The following RASGRP3 variants were observed in gnomAD, a reference collection of about 807,000 sequenced individuals.
The protein encoded by RASGRP3 is ras guanyl-releasing protein 3.
Under a neutral mutation model 82.7 loss-of-function variants are expected in RASGRP3, and 54 were observed. The ratio of observed to expected loss-of-function variants is 0.65; its 90% CI spans 0.52 to 0.82. The LOEUF (loss-of-function observed/expected upper bound fraction) is 0.82, where lower values mean the gene tolerates loss of function less well. Among genes scored for constraint, RASGRP3 ranks in the 40% least tolerant of loss-of-function variants. The pLI, the probability that RASGRP3 is intolerant of heterozygous loss-of-function variation, is 0.00. For synonymous variants in RASGRP3, 309 were observed against 300.5 expected, an observed-to-expected ratio of 1.03 and a Z score of -0.29; for missense variants, 861 against 828.9, an observed-to-expected ratio of 1.04 and a Z score of -0.48.
chr2:33,556,563 T>C (rs1487539619), intron 15 of RASGRP3, among the ~76,000 whole-genome samples: 1 of 152,140 alleles, frequency 6.6e-6, no homozygotes, highest in Non-Finnish European at 1.5e-5. Flanking sequence ...AATAATCTTA[T>C]AAAGCTTTTG....
At chr2:33,521,854 C>G (rs900149885) in intron 6 of RASGRP3, 101 bp from the exon 7 acceptor site, 3 of 1,405,262 alleles carry the variant, frequency 2.1e-6, no homozygotes, top group African/African-American at 2.9e-5. Flanking sequence ...TTGCACAAGT[C>G]CCTGGAAGCA....
In RASGRP3 at chr2:33,467,163, G is replaced by C. The variant is rs145821461; in HGVS notation, c.-261+19220G>C. Among the ~76,000 whole-genome samples, 12 of 152,176 alleles carry C rather than the reference G, an allele frequency of 7.9e-5. No homozygotes were observed. The East Asian group carries it at 1.7e-3, about 22-fold the overall frequency. ...ACATGTTCCTCTTTTCTCCCAGAGA[G>C]ATTTCAGGTACTTTGATGAATTCCT... On this transcript the variant is annotated intron_variant, in intron 2 of 18. Transcript: ENST00000402538.
intron 6 of RASGRP3, 145 bp from the exon 7 acceptor site, chr2:33,521,810 T>G (rs899943426): frequency 2.0e-6 from 2 of 1,016,610 alleles, no homozygotes; most frequent in African/African-American, 3.2e-5. Context: ...GGTCAGTGGT[T>G]TTCTCTTCCA....
Position 33,496,880 on chromosome 2 carries a change from C to CA in RASGRP3, c.-260-14822dup, listed in dbSNP as rs1419870043. ...TTAAAAAGAAAACAAAACAAACCAA[C>CA]AAAAAAAACAAACCCCTACTCCCAT... On this transcript the variant is annotated intron_variant, in intron 1 of 17. Coordinates refer to ENST00000403687, the MANE Select transcript of RASGRP3 (RefSeq NM_001139488.2). 7.9e-5 allele frequency among the ~76,000 whole-genome samples: 12 copies of CA among 151,592 alleles called. 1 individual carries two copies. Among genetic ancestry groups the CA allele is most frequent in the Non-Finnish European group, 1.2e-4 (8 of 67,876 alleles).
rs1437528606 is a variant in RASGRP3 at position 33,460,627 on chromosome 2, AC to A, written c.-261+12686del. Among the ~76,000 whole-genome samples, 13 of 150,520 alleles carry A rather than the reference AC, an allele frequency of 8.6e-5. No individual in the cohort carries two copies. The Admixed American group carries it at 8.6e-4, about 10-fold the overall frequency. On this transcript the variant is annotated intron_variant, in intron 2 of 18. Coordinates refer to the RASGRP3 transcript ENST00000402538. ...CCTCCCGTGTTCAAGCAATTCTCCTACCTCAGCCTCCTGAGTAGCTGGGACT... is the reference window on the plus strand; with the variant it reads ...CCTCCCGTGTTCAAGCAATTCTCCTACTCAGCCTCCTGAGTAGCTGGGACT...
At chr2:33,506,907 G>C (rs17595807) in intron 1 of RASGRP3, among the ~76,000 whole-genome samples, 3,896 of 152,268 alleles carry the variant, frequency 0.026, 66 homozygotes, top group Middle Eastern at 0.099. Context: ...TACTATCCCA[G>C]TAGGTTTGTG....
At chr2:33,453,017 C>T (rs148486145) in intron 2 of RASGRP3, among the ~76,000 whole-genome samples, 1 of 152,182 alleles carries the variant, frequency 6.6e-6, no homozygotes, top group Non-Finnish European at 1.5e-5. Flanking sequence ...CTCCTTCCCC[C>T]ACAGGGAAGG....
chr2:33,451,468 T>C (rs1193921621), intron 2 of RASGRP3, among the ~76,000 whole-genome samples: 1 of 152,236 alleles, frequency 6.6e-6, no homozygotes, highest in Non-Finnish European at 1.5e-5. Context: ...GAGTCATATC[T>C]AAGAAATCAT....
Position 33,525,726 on chromosome 2 carries a change from A to C in RASGRP3, c.807+1178A>C, listed in dbSNP as rs200171346. The stretch of plus-strand genomic sequence containing the variant: ...AAAAAAAAAAAAAAAAAAAAAAAAA[A>C]ACTAGCCAGGTGTGGCAGTGTGTGC... On this transcript the variant is annotated intron_variant, in intron 9 of 17. Coordinates refer to ENST00000403687, the MANE Select transcript of RASGRP3 (RefSeq NM_001139488.2). 2.0e-3 allele frequency among the ~76,000 whole-genome samples: 270 copies of C among 134,658 alleles called. 6 individuals are homozygous for C. In the East Asian group the frequency reaches 0.027, roughly 13 times the overall value. The allele number at this position is 134,658 out of a possible 152,430, so 88.3% of individuals were successfully genotyped here. A position where few individuals can be genotyped will look rare whatever the true frequency, so the allele number is the denominator to read the frequency against.
chr2:33,549,384 G>A (rs59798043), intron 13 of RASGRP3, among the ~76,000 whole-genome samples: 4,091 of 151,982 alleles, frequency 0.027, 186 homozygotes, highest in African/African-American at 0.094. Flanking sequence ...ACACACACAC[G>A]CAGGATGCAC....
chr2:33,472,533 G>A (rs544865403), upstream of RASGRP3, among the ~76,000 whole-genome samples: 4 of 152,282 alleles, frequency 2.6e-5, no homozygotes, highest in East Asian at 1.9e-4. Flanking sequence ...AAGATGAGAA[G>A]AGAGGATTTT....
At chr2:33,558,538 C>T (rs114072954) in intron 16 of RASGRP3, 134 bp from the exon 17 acceptor site, 17,688 of 1,114,154 alleles carry the variant, frequency 0.016, 164 homozygotes, top group Non-Finnish European at 0.019. Context: ...AACTTGCCTG[C>T]GGCTAATTGA....
chr2:33,455,260 T>C (rs532573991), intron 2 of RASGRP3, among the ~76,000 whole-genome samples: 10 of 152,366 alleles, frequency 6.6e-5, no homozygotes, highest in Admixed American at 5.9e-4. Flanking sequence ...AAGAAATTCA[T>C]GAAACAAATA....
chr2:33,508,292 T>C (rs1276220359), intron 1 of RASGRP3, among the ~76,000 whole-genome samples: 1 of 152,192 alleles, frequency 6.6e-6, no homozygotes, highest in Non-Finnish European at 1.5e-5. Context: ...TGAGTTAACT[T>C]CTAGATATCC....
rs141693050 is a variant in RASGRP3 at position 33,479,692 on chromosome 2, G to A, written c.-261+2985G>A. On this transcript the variant is annotated intron_variant, in intron 1 of 17. Transcript: ENST00000403687. The stretch of plus-strand genomic sequence containing the variant: ...AGTCCTACTTCTCCACACACCAGTT[G>A]CATATCTAAAGCTCTGACTGTCTCA... 4.0e-3 allele frequency among the ~76,000 whole-genome samples: 615 copies of A among 152,232 alleles called. 5 individuals carry two copies. The highest frequency in any genetic ancestry group is 5.7e-3 in the Non-Finnish European group (391 of 68,024).
intron 14 of RASGRP3, among the ~76,000 whole-genome samples, chr2:33,552,572 C>G (rs929122909): frequency 1.3e-5 from 2 of 152,084 alleles, no homozygotes; most frequent in Admixed American, 6.5e-5. Flanking sequence ...GAATTTATAA[C>G]TATAGCTCTA....
chr2:33,470,578 A>T (rs921424329), intron 2 of RASGRP3, among the ~76,000 whole-genome samples: 2 of 151,796 alleles, frequency 1.3e-5, no homozygotes, highest in Non-Finnish European at 2.9e-5. Context: ...ACAGGGTTTC[A>T]CCGTGTTAGC....
intron 2 of RASGRP3, among the ~76,000 whole-genome samples, chr2:33,466,895 C>G (rs1359342359): frequency 6.6e-6 from 1 of 152,100 alleles, no homozygotes; most frequent in Admixed American, 6.5e-5. Flanking sequence ...GGTTTGAAGT[C>G]AGACAGACCT....
chr2:33,558,708 C>T lies in RASGRP3; in HGVS notation c.1742C>T (p.Ala581Val), dbSNP rs377213456. ...GTGTTTGAGTTCCCTGGAGTCACTG[C>T]TGGACACAGGGATTTAGACAGCAGA... is the stretch of plus-strand genomic sequence containing the variant. ...DEVFEFPGVT[A>V]GHRDLDSRAI... Residue 581 changes from alanine to valine, a missense_variant, in exon 17 of 18, where the codon GCT (alanine) becomes GTT (valine). Ala to Val is a moderately conservative substitution (Grantham distance 64, BLOSUM62 0). Coordinates refer to ENST00000403687, the MANE Select transcript of RASGRP3 (RefSeq NM_001139488.2). The T allele has an allele frequency of 1.9e-6, 3 of 1,612,730 alleles. No individual in the cohort carries two copies. Among genetic ancestry groups the T allele is most frequent in the Non-Finnish European group, 2.5e-6 (3 of 1,179,384 alleles).
Sources: gnomAD v4.1 joint callset for allele counts (sites outside exome capture counted in the v4.1 genomes callset) on GRCh38, gnomAD v4.1.1 for gene constraint, MANE v1.5 for transcripts, NCBI Gene and HGNC (gene_info 2026-07-23, HGNC 2026-07-21) for gene names.